The following KLHL1 variants were observed in gnomAD, a reference collection of about 807,000 sequenced individuals.
KLHL1 encodes the protein kelch-like protein 1.
KLHL1 carries 47 observed loss-of-function variants against 77.7 expected under a neutral mutation model. The ratio of observed to expected loss-of-function variants is 0.60; its 90% CI spans 0.48 to 0.77. The LOEUF (loss-of-function observed/expected upper bound fraction) is 0.77, where lower values mean the gene tolerates loss of function less well. Among genes scored for constraint, KLHL1 ranks in the 30% least tolerant of loss-of-function variants. The pLI, the probability that KLHL1 is intolerant of heterozygous loss-of-function variation, is 0.00. For missense variants in KLHL1, 925 were observed against 910.8 expected, an observed-to-expected ratio of 1.02 and a Z score of -0.20; for synonymous variants, 360 against 325.2, an observed-to-expected ratio of 1.11 and a Z score of -1.15.
chr13:69,812,035 C>T (rs569663074), intron 6 of KLHL1, among the ~76,000 whole-genome samples: 25 of 151,916 alleles, frequency 1.6e-4, no homozygotes, highest in Admixed American at 7.2e-4. Flanking sequence ...CTCTTGTGGG[C>T]GTTTAGTGCT....
In KLHL1 at chr13:69,882,388, G is replaced by A. The variant is rs1482545935; in HGVS notation, c.1122C>T (p.Thr374=). The change falls in exon 5 of 11, where the codon ACC becomes ACT. Residue 374 remains threonine, a synonymous_variant. Transcript: ENST00000377844. ...CCCACATCATCAATGCATGGAAGATGGTTTCTTCATCAGGAACATTGACAT... is the reference window on the plus strand; with the variant it reads ...CCCACATCATCAATGCATGGAAGATAGTTTCTTCATCAGGAACATTGACAT... ...SDDVNVPDEE[T]IFHALMMWVK... The A allele has an allele frequency of 6.2e-7, 1 of 1,613,352 alleles. No individual in the cohort carries two copies. Among genetic ancestry groups the A allele is most frequent in the Non-Finnish European group, 8.5e-7 (1 of 1,179,388 alleles).
chr13:69,706,447 A>C (rs909204757), intron 10 of KLHL1, among the ~76,000 whole-genome samples: 3 of 151,942 alleles, frequency 2.0e-5, no homozygotes, highest in African/African-American at 7.2e-5. Flanking sequence ...CAAAACTTGC[A>C]AAATCAAGGA....
chr13:70,076,517 T>G (rs1032016746), intron 1 of KLHL1, among the ~76,000 whole-genome samples: 6 of 150,706 alleles, frequency 4.0e-5, no homozygotes, highest in African/African-American at 1.2e-4. Context: ...TTATAAAACA[T>G]TAGCAAACAA....
At chr13:69,841,844 T>C (rs1392737503) in intron 5 of KLHL1, among the ~76,000 whole-genome samples, 2 of 151,816 alleles carry the variant, frequency 1.3e-5, no homozygotes, top group Non-Finnish European at 2.9e-5. Flanking sequence ...GATAGATATA[T>C]AGGCCAATGG....
chr13:69,819,779 A>G (rs1360468562), intron 6 of KLHL1, among the ~76,000 whole-genome samples: 1 of 152,146 alleles, frequency 6.6e-6, no homozygotes, highest in African/African-American at 2.4e-5. Flanking sequence ...GTTCACAGCT[A>G]TCATGTATAA....
At chr13:69,874,753 C>A (rs1035806783) in intron 5 of KLHL1, among the ~76,000 whole-genome samples, 3 of 152,030 alleles carry the variant, frequency 2.0e-5, no homozygotes, top group African/African-American at 4.8e-5. Context: ...ATTTGGATAA[C>A]CCTGACTTCC....
intron 1 of KLHL1, among the ~76,000 whole-genome samples, chr13:70,088,387 A>G (rs1887595090): frequency 7.7e-6 from 1 of 130,678 alleles, no homozygotes; most frequent in Admixed American, 7.0e-5. Context: ...ATATACAAAT[A>G]TAAAAAAAAA....
At chr13:69,906,222 G>A (rs1338514065) in intron 4 of KLHL1, among the ~76,000 whole-genome samples, 1 of 152,010 alleles carries the variant, frequency 6.6e-6, no homozygotes, top group Non-Finnish European at 1.5e-5. Context: ...AATTACAGAA[G>A]TGAAGCTATT....
rs895669698 is a variant in KLHL1, at chr13:69,849,277, A to G, written c.1228-10115T>C. Among the ~76,000 whole-genome samples, 17 of 151,712 alleles carry G rather than the reference A, an allele frequency of 1.1e-4. No homozygotes were observed. The East Asian group carries it at 3.1e-3, about 28-fold the overall frequency. Reference sequence around the variant, plus strand: ...GTTTAGGCTATATTTAAGAGTATACATTAGTTTGTTATTGTTTGTAAGACA... The same window carrying G: ...GTTTAGGCTATATTTAAGAGTATACGTTAGTTTGTTATTGTTTGTAAGACA... On this transcript the variant is annotated intron_variant, in intron 5 of 10. Coordinates refer to ENST00000377844, the MANE Select transcript of KLHL1 (RefSeq NM_020866.3).
At chr13:69,740,854 ATAGTATTATGACC>A (rs1162090246) in intron 7 of KLHL1, among the ~76,000 whole-genome samples, 1 of 152,160 alleles carries the variant, frequency 6.6e-6, no homozygotes, top group Non-Finnish European at 1.5e-5. Flanking sequence ...GGAGCCAAAA[ATAGTATTATGACC>A]TAGATGCTTT....
At chr13:70,103,265 C>A (rs1887967903) in intron 1 of KLHL1, among the ~76,000 whole-genome samples, 1 of 152,096 alleles carries the variant, frequency 6.6e-6, no homozygotes, top group African/African-American at 2.4e-5. Context: ...GATATTAAGT[C>A]TGGAAAACAG....
At chr13:69,780,733 CATATATATATACATATATATATAT>C (rs1226458158) in intron 7 of KLHL1, among the ~76,000 whole-genome samples, 34 of 42,080 alleles carry the variant, frequency 8.1e-4, no homozygotes, top group South Asian at 1.8e-3. Context: ...TATATATATA[CATATATATATACATATATATATAT>C]ACACACACAT....
At chr13:69,834,309 TG>T (rs1878894566) in intron 6 of KLHL1, among the ~76,000 whole-genome samples, 1 of 151,844 alleles carries the variant, frequency 6.6e-6, no homozygotes, top group African/African-American at 2.4e-5. Context: ...TATATATATA[TG>T]TATGTATTTA....
chr13:69,783,551 C>T (rs143738763), intron 7 of KLHL1, among the ~76,000 whole-genome samples: 7,542 of 151,512 alleles, frequency 0.05, 341 homozygotes, highest in African/African-American at 0.12. Context: ...GGAGCCGATG[C>T]GATCAACTGG....
chr13:69,984,689 T>G (rs907793844), intron 1 of KLHL1, among the ~76,000 whole-genome samples: 1 of 152,192 alleles, frequency 6.6e-6, no homozygotes, highest in Non-Finnish European at 1.5e-5. Flanking sequence ...CTCTTTCTTT[T>G]GCCTATTAAA....
chr13:70,097,841 T>C (rs1431124493), intron 1 of KLHL1, among the ~76,000 whole-genome samples: 3 of 151,562 alleles, frequency 2.0e-5, no homozygotes, highest in Non-Finnish European at 4.4e-5. Context: ...TCAAAAAACA[T>C]TCAGAGAATT....
In KLHL1 at chr13:70,045,924, G is replaced by A. The variant is rs1054922103; in HGVS notation, c.497+61279C>T. Among the ~76,000 whole-genome samples, 12 of 152,244 alleles carry A rather than the reference G, an allele frequency of 7.9e-5. No individual in the cohort carries two copies. In the South Asian group the frequency reaches 2.3e-3, roughly 29 times the overall value. On this transcript the variant is annotated intron_variant, in intron 1 of 10. Transcript: ENST00000377844. ...CATTTAAACCCTATGCCTGAAAATT[G>A]CCTCATCCTGGTAAAGGTTTCCTTT...
chr13:69,754,188 A>G (rs138611046), intron 7 of KLHL1, among the ~76,000 whole-genome samples: 1,656 of 152,158 alleles, frequency 0.011, 32 homozygotes, highest in African/African-American at 0.037. Context: ...ACCCTTTAAG[A>G]AATGATAGGA....
chr13:69,975,809 A>T lies in KLHL1; in HGVS notation c.498-7T>A, dbSNP rs773948860. The T allele has an allele frequency of 1.3e-6, 2 of 1,597,686 alleles. No individual in the cohort carries two copies. Among genetic ancestry groups the T allele is most frequent in the Non-Finnish European group, 1.7e-6 (2 of 1,173,480 alleles). ...ATGGCCGGTTGATGACAGCCTATAA[A>T]CCACACACACACACACACACACACA... is the stretch of plus-strand genomic sequence containing the variant. On this transcript the variant is annotated splice_region_variant and splice_polypyrimidine_tract_variant and intron_variant, in intron 1 of 10. Transcript: ENST00000377844.
Sources: allele counts gnomAD v4.1 joint callset (sites outside exome capture counted in the v4.1 genomes callset), GRCh38; gene constraint gnomAD v4.1.1; transcripts MANE v1.5; gene names NCBI Gene and HGNC (gene_info 2026-07-23, HGNC 2026-07-21).